Variants in ME2 observed in about 807,000 individuals in gnomAD.
The protein encoded by ME2 is malic enzyme 2.
Under a neutral mutation model 73.7 loss-of-function variants are expected in ME2, and 60 were observed. The observed-to-expected ratio is 0.81, with a 90% CI of 0.66 to 1.01. The LOEUF is 1.01. Ranked by LOEUF, ME2 falls within the 50% of genes least tolerant of loss-of-function variation. The pLI, the probability that ME2 is intolerant of heterozygous loss-of-function variation, is 0.00. For synonymous variants in ME2, 199 were observed against 236.9 expected (o/e 0.84, Z 1.47); for missense variants, 594 against 705.5 (o/e 0.84, Z 1.79).
In ME2 at chr18:50,917,482, T is replaced by C; in HGVS notation, c.604T>C (p.Cys202Arg). 4 of 1,611,418 alleles carry C rather than the reference T, an allele frequency of 2.5e-6. No homozygotes were observed. The highest frequency in any genetic ancestry group is 3.4e-6 in the Non-Finnish European group (4 of 1,178,136). Residue 202 changes from cysteine to arginine, a missense_variant, in exon 6 of 16, where the codon TGT (cysteine) becomes CGT (arginine). Transcript: ENST00000321341. ...ACGGCCTGATAGATGCCTGCCAGTG[T>C]GTATTGATGTGGGAACTGATAATAT... Reference protein sequence around the residue: ...GIRPDRCLPVCIDVGTDNIAL... With the variant: ...GIRPDRCLPVRIDVGTDNIAL...
At chr18:50,937,331 G>C (rs1461960215) in intron 13 of ME2, among the ~76,000 whole-genome samples, 1 of 152,162 alleles carries the variant, frequency 6.6e-6, no homozygotes, top group Non-Finnish European at 1.5e-5. Context: ...GAGTAAAACA[G>C]TGTTTCTAGG....
At position 50,953,181 on chromosome 18, in the gene ME2, G is replaced by C. The variant is rs1398958393; in HGVS notation, c.*5997G>C. On this transcript the variant is annotated 3_prime_UTR_variant, in exon 16 of 16. Coordinates refer to ENST00000321341, the MANE Select transcript of ME2 (RefSeq NM_002396.5). ...GTGGCGCAATCTCAGCTCACTGCAA[G>C]CTCCGCCTCCCGGGTTATGCCATTC... The C allele has an allele frequency of 6.7e-6, 1 of 149,240 alleles. No individual in the cohort carries two copies. The highest frequency in any genetic ancestry group is 2.5e-5 in the African/African-American group (1 of 40,108). The allele number at this position is 149,240 out of a possible 1,614,324, so 9.2% of individuals were successfully genotyped here.
At chr18:50,945,912 C>T (rs1172413466) in intron 15 of ME2, among the ~76,000 whole-genome samples, 1 of 151,978 alleles carries the variant, frequency 6.6e-6, no homozygotes, top group African/African-American at 2.4e-5. Context: ...ACTGAACATA[C>T]AAAAATTTAC....
intron 2 of ME2, among the ~76,000 whole-genome samples, chr18:50,903,495 G>T (rs1024473945): frequency 1.3e-5 from 2 of 152,120 alleles, no homozygotes; most frequent in Non-Finnish European, 2.9e-5. Flanking sequence ...TTGTCACCCA[G>T]GCAGAAGTAT....
At chr18:50,928,489 C>T (rs550990003) in intron 12 of ME2, among the ~76,000 whole-genome samples, 3 of 152,210 alleles carry the variant, frequency 2.0e-5, no homozygotes, top group Admixed American at 6.5e-5. Flanking sequence ...CCGCCCGCCT[C>T]GGCCTCCCAA....
At position 50,952,849 on chromosome 18, in the gene ME2, A is replaced by G. The variant is rs577626387; in HGVS notation, c.*5665A>G. 61 of 152,310 alleles carry G rather than the reference A, an allele frequency of 4.0e-4. No individual in the cohort carries two copies. The highest frequency in any genetic ancestry group is 1.2e-3 in the African/African-American group (49 of 41,568). 9.4% of individuals were successfully genotyped at this position (152,310 alleles called of 1,614,324 possible). On this transcript the variant is annotated 3_prime_UTR_variant, in exon 16 of 16. Transcript: ENST00000321341. ...AAAGTTTGTGGTTAATACCTACTCT[A>G]TACCAGACACTGTTCTAAGGATCCG...
chr18:50,908,330 A>C (rs893006703), intron 3 of ME2, 134 bp downstream of exon 3: 1 of 587,970 alleles, frequency 1.7e-6, no homozygotes, highest in Non-Finnish European at 2.8e-6. Flanking sequence ...ACTTTTATAA[A>C]GATTGTGTTT....
intron 15 of ME2, among the ~76,000 whole-genome samples, chr18:50,944,384 T>C (rs1334205231): frequency 6.6e-6 from 1 of 152,134 alleles, no homozygotes; most frequent in Non-Finnish European, 1.5e-5. Context: ...TGCAGTGGCA[T>C]AGGCTTTTCT....
At chr18:50,907,315 C>T (rs1234245055) in intron 2 of ME2, among the ~76,000 whole-genome samples, 1 of 152,186 alleles carries the variant, frequency 6.6e-6, no homozygotes, top group Non-Finnish European at 1.5e-5. Context: ...TTAAAACTCA[C>T]AAAGCTTGTT....
In ME2 at chr18:50,939,620, G is replaced by C. The variant is rs1319782769; in HGVS notation, c.1468G>C (p.Val490Leu). The C allele has an allele frequency of 6.2e-7, 1 of 1,610,926 alleles. No homozygotes were observed. The highest frequency in any genetic ancestry group is 8.5e-7 in the Non-Finnish European group (1 of 1,177,334). The change falls in exon 14 of 16, where the codon GTT (valine) becomes CTT (leucine). Residue 490 changes from valine (V) to leucine (L), a missense_variant. Physicochemically the swap from Val to Leu is conservative, Grantham distance 32. Transcript: ENST00000321341. ...LCNTRHISDS[V>L]FLEAAKALTS... ...TAACACCCGGCATATTAGTGACAGT[G>C]TTTTCCTAGAAGCTGCAAAGGTAAA...
At chr18:50,920,952 G>T (rs1568169271) in intron 9 of ME2, 122 bp from the exon 10 acceptor site, 2 of 704,422 alleles carry the variant, frequency 2.8e-6, no homozygotes, top group Non-Finnish European at 4.6e-6. Context: ...AAGAATTTTT[G>T]TTTGATTTGT....
At chr18:50,898,267 AC>A (rs1250912517) in intron 2 of ME2, among the ~76,000 whole-genome samples, 1 of 152,176 alleles carries the variant, frequency 6.6e-6, no homozygotes, top group Non-Finnish European at 1.5e-5. Flanking sequence ...TGTTTATAAA[AC>A]TTTTTTATTG....
Position 50,950,480 on chromosome 18 carries a change from T to TTTTTTTTC in ME2, c.*3303_*3304insCTTTTTTT, listed in dbSNP as rs1568179719. On this transcript the variant is annotated 3_prime_UTR_variant, in exon 16 of 16. Transcript: ENST00000321341. ...CCTCAGATTCTGCTTTTTTTTTTTT[T>TTTTTTTTC]TTTTTTTTTTTTTTTAAACAGGGTC... 5.0e-5 allele frequency: 7 copies of TTTTTTTTC among 140,912 alleles called. No individual in the cohort carries two copies. The highest frequency in any genetic ancestry group is 2.0e-4 in the East Asian group (1 of 4,904). The allele number at this position is 140,912 out of a possible 1,614,324, so 8.7% of individuals were successfully genotyped here.
rs141139735 is a variant in ME2, at chr18:50,895,334, G to A, written c.-12-475G>A. 2.3e-3 allele frequency among the ~76,000 whole-genome samples: 352 copies of A among 152,118 alleles called. 2 individuals carry two copies. The highest frequency in any genetic ancestry group is 8.3e-3 in the African/African-American group (343 of 41,494). On this transcript the variant is annotated intron_variant, in intron 1 of 15. Transcript: ENST00000321341. ...TTTCTAAGACAAAAAATTCTAGTACGTTAAATTTAAACATTAAACATAGTC... is the reference window on the plus strand; with the variant it reads ...TTTCTAAGACAAAAAATTCTAGTACATTAAATTTAAACATTAAACATAGTC...
chr18:50,897,538 C>A (rs1916773819), intron 2 of ME2, among the ~76,000 whole-genome samples: 1 of 152,008 alleles, frequency 6.6e-6, no homozygotes, highest in Non-Finnish European at 1.5e-5. Flanking sequence ...CCAGCCTGAC[C>A]AACATGGAGA....
intron 13 of ME2, among the ~76,000 whole-genome samples, chr18:50,936,532 T>C (rs982997725): frequency 6.6e-6 from 1 of 152,110 alleles, no homozygotes; most frequent in Non-Finnish European, 1.5e-5. Flanking sequence ...TTGAAAAATA[T>C]ATATAGAGAG....
In ME2 at chr18:50,946,911, G is replaced by T. The variant is rs778740917; in HGVS notation, c.1588-106G>T. ...AATGTTATTTTTTACTGTGAAAAAA[G>T]AAGAATGCCATTCTTCTAAACTTAT... On this transcript the variant is annotated intron_variant, in intron 15 of 15. Coordinates refer to ENST00000321341, the MANE Select transcript of ME2 (RefSeq NM_002396.5). The T allele has an allele frequency of 1.2e-5, 10 of 803,090 alleles. No individual in the cohort carries two copies. The South Asian group carries it at 1.6e-4, about 13-fold the overall frequency. The allele number at this position is 803,090 out of a possible 1,614,324, so 49.7% of individuals were successfully genotyped here. A position where few individuals can be genotyped will look rare whatever the true frequency, so the allele number is the denominator to read the frequency against.
At chr18:50,922,779 C>T (rs1368173301) in intron 10 of ME2, among the ~76,000 whole-genome samples, 1 of 152,146 alleles carries the variant, frequency 6.6e-6, no homozygotes, top group African/African-American at 2.4e-5. Flanking sequence ...CTAAACACTG[C>T]CCTTCATTTT....
intron 1 of ME2, among the ~76,000 whole-genome samples, chr18:50,894,885 A>G (rs1426128942): frequency 2.0e-5 from 3 of 152,060 alleles, no homozygotes; most frequent in African/African-American, 7.2e-5. Context: ...TCAAAAAAAA[A>G]AAAAAAATTT....
Sources: gnomAD v4.1 joint callset for allele counts (sites outside exome capture counted in the v4.1 genomes callset) on GRCh38, gnomAD v4.1.1 for gene constraint, MANE v1.5 for transcripts, NCBI Gene and HGNC (gene_info 2026-07-23, HGNC 2026-07-21) for gene names.